The following UGCG variants were observed in gnomAD, a reference collection of about 807,000 sequenced individuals.
The protein encoded by UGCG is ceramide glucosyltransferase.
UGCG carries 10 observed loss-of-function variants against 49.5 expected under a neutral mutation model. That is an observed-to-expected ratio of 0.20 (90% CI 0.12 to 0.34). The LOEUF (loss-of-function observed/expected upper bound fraction) is 0.34. UGCG is among the 10% of genes least tolerant of loss of function. UGCG has a pLI of 1.00. For synonymous variants in UGCG, 182 were observed against 158.2 expected, an observed-to-expected ratio of 1.15 and a Z score of -1.13; for missense variants, 312 against 483.7, an observed-to-expected ratio of 0.65 and a Z score of 3.33.
intron 1 of UGCG, among the ~76,000 whole-genome samples, chr9:111,900,717 C>T (rs1837752730): frequency 6.6e-6 from 1 of 152,110 alleles, no homozygotes. Flanking sequence ...TGGTCTTGAA[C>T]TCCTGGACTT....
At chr9:111,918,559 G>T (rs1838152510) in intron 2 of UGCG, among the ~76,000 whole-genome samples, 1 of 152,130 alleles carries the variant, frequency 6.6e-6, no homozygotes. Context: ...ATATGAATAT[G>T]AGTCTCATTT....
At chr9:111,904,375 T>C (rs572706482) in intron 1 of UGCG, among the ~76,000 whole-genome samples, 19 of 152,328 alleles carry the variant, frequency 1.2e-4, no homozygotes, top group Admixed American at 1.0e-3. Flanking sequence ...TTTTTCTGTG[T>C]TTAGCTCTGA....
chr9:111,932,460 C>T (rs1330605487), intron 8 of UGCG, 101 bp downstream of exon 8: 19 of 1,231,016 alleles, frequency 1.5e-5, no homozygotes, highest in Non-Finnish European at 1.9e-5. Context: ...CATTCTTCAG[C>T]TTCCCATTGT....
intron 4 of UGCG, 65 bp from the exon 5 acceptor site, chr9:111,926,319 A>T: frequency 1.1e-6 from 1 of 926,610 alleles, no homozygotes. Flanking sequence ...ATTTTATATT[A>T]ATGGGCATTC....
chr9:111,917,259 T>C (rs1489518144), intron 2 of UGCG, among the ~76,000 whole-genome samples: 1 of 152,246 alleles, frequency 6.6e-6, no homozygotes, highest in Non-Finnish European at 1.5e-5. Context: ...AGAGGAGAAG[T>C]GCAAAGTACC....
intron 2 of UGCG, among the ~76,000 whole-genome samples, chr9:111,916,221 C>T (rs187246051): frequency 4.4e-4 from 67 of 152,164 alleles, no homozygotes; most frequent in South Asian, 1.9e-3. Context: ...TTAATGTTTA[C>T]GAATGAAAGA....
chr9:111,929,935 C>G (rs1838392974), intron 6 of UGCG, among the ~76,000 whole-genome samples: 1 of 152,130 alleles, frequency 6.6e-6, no homozygotes, highest in Non-Finnish European at 1.5e-5. Flanking sequence ...TCTCATGCCT[C>G]AGCCACCAGA....
intron 1 of UGCG, among the ~76,000 whole-genome samples, chr9:111,912,530 A>C (rs989731288): frequency 6.6e-6 from 1 of 151,914 alleles, no homozygotes; most frequent in Non-Finnish European, 1.5e-5. Context: ...AGTAGCTGAG[A>C]TCGCACCACT....
intron 4 of UGCG, 134 bp downstream of exon 4, chr9:111,925,012 A>G: frequency 2.6e-6 from 1 of 389,268 alleles, no homozygotes; most frequent in Non-Finnish European, 4.3e-6. Flanking sequence ...TTTCATGGTA[A>G]TATGTCCAGT....
intron 1 of UGCG, among the ~76,000 whole-genome samples, chr9:111,901,881 A>C (rs1470202238): frequency 6.6e-6 from 1 of 152,062 alleles, no homozygotes; most frequent in Non-Finnish European, 1.5e-5. Flanking sequence ...CCTCGATTTT[A>C]TATTTCTTAT....
intron 5 of UGCG, 186 bp from the exon 6 acceptor site, chr9:111,929,314 C>G: frequency 2.1e-6 from 1 of 466,098 alleles, no homozygotes; most frequent in Non-Finnish European, 3.6e-6. Flanking sequence ...GCATTTTTAG[C>G]TTACTAACTG....
chr9:111,932,532 G>C (rs756938663), intron 8 of UGCG, among the ~76,000 whole-genome samples, 173 bp downstream of exon 8: 3 of 152,150 alleles, frequency 2.0e-5, no homozygotes, highest in Non-Finnish European at 4.4e-5. Flanking sequence ...AACTTAAGTC[G>C]ATTTGCAACT....
At chr9:111,925,273 A>T in intron 4 of UGCG, among the ~76,000 whole-genome samples, 1 of 152,258 alleles carries the variant, frequency 6.6e-6, no homozygotes, top group East Asian at 1.9e-4. Flanking sequence ...TTTTACTAAA[A>T]CACATACACT....
chr9:111,932,686 C>T, intron 8 of UGCG, 141 bp from the exon 9 acceptor site: 1 of 757,892 alleles, frequency 1.3e-6, no homozygotes. Context: ...AACGGTATAA[C>T]ATGGCAGTTA....
Position 111,930,220 on chromosome 9 carries a change from A to G in UGCG, c.737+542A>G, listed in dbSNP as rs148493151. 1.6e-4 allele frequency among the ~76,000 whole-genome samples: 25 copies of G among 152,288 alleles called. 1 individual carries two copies. The highest frequency in any genetic ancestry group is 1.5e-3 in the East Asian group (8 of 5,192). ...TGATTCCTCTACATTTTTCAAATTAATGTGTTTTAAAGCGATTAAAAGTAA... is the reference window on the plus strand; with the variant it reads ...TGATTCCTCTACATTTTTCAAATTAGTGTGTTTTAAAGCGATTAAAAGTAA... On this transcript the variant is annotated intron_variant, in intron 6 of 8. Transcript: ENST00000374279.
In UGCG at chr9:111,933,035, A is replaced by T. The variant is rs371993027; in HGVS notation, c.*38A>T. 2 of 1,407,452 alleles carry T rather than the reference A, an allele frequency of 1.4e-6. No homozygotes were observed. Among genetic ancestry groups the T allele is most frequent in the African/African-American group, 3.0e-5 (2 of 67,336 alleles). The allele number at this position is 1,407,452 out of a possible 1,614,324, so 87.2% of individuals were successfully genotyped here. On this transcript the variant is annotated 3_prime_UTR_variant, in exon 9 of 9. Coordinates refer to ENST00000374279, the MANE Select transcript of UGCG (RefSeq NM_003358.3). ...GACTGTATATAAAGGAAAAAAGAGA[A>T]GTATTATAAATTATGTTTATATAAA...
intron 2 of UGCG, among the ~76,000 whole-genome samples, chr9:111,918,928 A>AT (rs1372212289): frequency 7.4e-6 from 1 of 136,052 alleles, no homozygotes; most frequent in Non-Finnish European, 1.5e-5. Flanking sequence ...CCGTCTCAAA[A>AT]AAAAAAAACA....
chr9:111,919,360 A>G (rs1217161842), intron 2 of UGCG, among the ~76,000 whole-genome samples: 6 of 151,730 alleles, frequency 4.0e-5, no homozygotes, highest in African/African-American at 9.7e-5. Context: ...GTGCACACCT[A>G]TAGTCCCAGC....
rs1837681747 is a variant in UGCG, at chr9:111,897,308, C to T, written c.93C>T (p.Ile31=). Residue 31 remains isoleucine (I), a synonymous_variant, in exon 1 of 9, where the codon ATC becomes ATT. Transcript: ENST00000374279. The part of the protein sequence containing the change: ...VLWLMHFMAI[I]YTRLHLNKKA... ...GGCTGATGCATTTCATGGCTATCAT[C>T]TACACGTGAGTGAGGGACCGCAGGA... 1.3e-6 allele frequency: 2 copies of T among 1,555,374 alleles called. No homozygotes were observed. Among genetic ancestry groups the T allele is most frequent in the Non-Finnish European group, 1.7e-6 (2 of 1,150,096 alleles).
Sources: gnomAD v4.1 joint callset for allele counts (sites outside exome capture counted in the v4.1 genomes callset) on GRCh38, gnomAD v4.1.1 for gene constraint, MANE v1.5 for transcripts, NCBI Gene and HGNC (gene_info 2026-07-23, HGNC 2026-07-21) for gene names.